Variants in DGKH observed in about 807,000 individuals in gnomAD.
DGKH encodes the protein DAG kinase eta.
In DGKH, 90 loss-of-function variants were observed where a neutral mutation model predicts 159.3. The observed-to-expected ratio is 0.57, with a 90% CI of 0.48 to 0.67. DGKH has a LOEUF of 0.67. Ranked by LOEUF, DGKH falls within the 30% of genes least tolerant of loss-of-function variation. DGKH has a pLI of 0.00. For synonymous variants in DGKH, 536 were observed against 553.8 expected, an observed-to-expected ratio of 0.97 and a Z score of 0.45; for missense variants, 1,181 against 1,506.1, an observed-to-expected ratio of 0.78 and a Z score of 3.57.
upstream of DGKH, among the ~76,000 whole-genome samples, chr13:42,046,432 G>T (rs1302043010): frequency 6.6e-6 from 1 of 152,170 alleles, no homozygotes; most frequent in Non-Finnish European, 1.5e-5. Flanking sequence ...AGTAAGTCAG[G>T]TATCTTAAAT....
Position 42,048,869 on chromosome 13 carries a change from G to A in DGKH, c.96G>A (p.Ala32=), listed in dbSNP as rs1013199141. Residue 32 remains alanine, a synonymous_variant, in exon 1 of 30, where the codon GCG becomes GCA. Coordinates refer to ENST00000337343, the MANE Select transcript of DGKH (RefSeq NM_178009.5). The surrounding 1 kb of genome is among the most constrained non-coding windows in gnomAD (Gnocchi z 6.7). Reference sequence around the variant, plus strand: ...CGGTCACCTCCGCCGCTGCCTCGGCGGGGCCGGGAGAGGATTCGTCTGACA... The same window carrying A: ...CGGTCACCTCCGCCGCTGCCTCGGCAGGGCCGGGAGAGGATTCGTCTGACA... The part of the protein sequence containing the change: ...GAAVTSAAAS[A]GPGEDSSDSE... 1.5e-6 allele frequency: 2 copies of A among 1,372,476 alleles called. No homozygotes were observed. Among genetic ancestry groups the A allele is most frequent in the South Asian group, 2.0e-5 (1 of 50,584 alleles). 85.0% of individuals were successfully genotyped at this position (1,372,476 alleles called of 1,614,324 possible).
chr13:42,062,730 G>A (rs746223619), intron 1 of DGKH, among the ~76,000 whole-genome samples: 78 of 152,346 alleles, frequency 5.1e-4, no homozygotes, highest in Non-Finnish European at 8.1e-4. Flanking sequence ...TAGTTCTGTA[G>A]GAGATGTAAT....
In DGKH at chr13:42,255,908, T is replaced by A. The variant is rs1594276197; in HGVS notation, n.4128-376T>A. On this transcript the variant is annotated intron_variant and non_coding_transcript_variant, in intron 30 of 30. Transcript: ENST00000498255. ...TGCAAAATTGGCTGCACGTACAGGCTTGCCTTTTGTCACTGCTCCAAATAA... is the reference window on the plus strand; with the variant it reads ...TGCAAAATTGGCTGCACGTACAGGCATGCCTTTTGTCACTGCTCCAAATAA... 13 of 1,579,684 alleles carry A rather than the reference T, an allele frequency of 8.2e-6. No homozygotes were observed. The East Asian group carries it at 2.9e-4, about 35-fold the overall frequency.
At chr13:42,243,835 C>T (rs1430010600), downstream of DGKH, among the ~76,000 whole-genome samples, 3 of 152,056 alleles carry the variant, frequency 2.0e-5, no homozygotes, top group African/African-American at 2.4e-5. Context: ...CTAAGCAATC[C>T]GGTTTGAGCC....
At chr13:42,059,105 A>G (rs1881959868) in intron 1 of DGKH, among the ~76,000 whole-genome samples, 1 of 152,112 alleles carries the variant, frequency 6.6e-6, no homozygotes, top group African/African-American at 2.4e-5. Context: ...TAAATATAAA[A>G]TATGTTTTTG....
chr13:42,253,685 G>A (rs1180742154), intron 30 of DGKH, among the ~76,000 whole-genome samples: 1 of 152,096 alleles, frequency 6.6e-6, no homozygotes, highest in African/African-American at 2.4e-5. Flanking sequence ...CTTGAATTTA[G>A]CCATTGTGGT....
At chr13:42,113,563 A>G (rs1046272546) in intron 1 of DGKH, among the ~76,000 whole-genome samples, 1 of 152,212 alleles carries the variant, frequency 6.6e-6, no homozygotes, top group African/African-American at 2.4e-5. Flanking sequence ...AGGGGAAAGG[A>G]GGATACCAGC....
rs1566192716 is a variant in DGKH, at chr13:42,207,143, T to TC, written c.2601+997_2601+998insC. 6.0e-3 allele frequency among the ~76,000 whole-genome samples: 293 copies of TC among 49,088 alleles called. 22 individuals are homozygous for TC. The highest frequency in any genetic ancestry group is 9.9e-3 in the Admixed American group (29 of 2,940). 32.2% of individuals were successfully genotyped at this position (49,088 alleles called of 152,430 possible). A position where few individuals can be genotyped will look rare whatever the true frequency, so the allele number is the denominator to read the frequency against. Reference sequence around the variant, plus strand: ...TCTCTCTCCTTCCTTCCTTCCTTCCTTCCTTCCTTCCTTCCTTCCTTCCTT... The same window carrying TC: ...TCTCTCTCCTTCCTTCCTTCCTTCCTCTCCTTCCTTCCTTCCTTCCTTCCTT... On this transcript the variant is annotated intron_variant, in intron 21 of 29. Coordinates refer to ENST00000337343, the MANE Select transcript of DGKH (RefSeq NM_178009.5).
At chr13:42,190,339 T>C in intron 15 of DGKH, 64 bp from the exon 16 acceptor site, 1 of 1,554,678 alleles carries the variant, frequency 6.4e-7, no homozygotes, top group Non-Finnish European at 8.6e-7. Context: ...TTCCTGAGCA[T>C]ATCTTAATAT....
chr13:42,200,396 T>C (rs915398534), intron 20 of DGKH, among the ~76,000 whole-genome samples: 1 of 152,214 alleles, frequency 6.6e-6, no homozygotes, highest in African/African-American at 2.4e-5. Flanking sequence ...TTTTTACTAA[T>C]TTAAATAGGA....
chr13:42,099,230 C>T lies in DGKH; in HGVS notation c.193-28233C>T, dbSNP rs371463966. Among the ~76,000 whole-genome samples, 20 of 152,300 alleles carry T rather than the reference C, an allele frequency of 1.3e-4. 1 individual carries two copies. Among genetic ancestry groups the T allele is most frequent in the East Asian group, 9.7e-4 (5 of 5,178 alleles). On this transcript the variant is annotated intron_variant, in intron 1 of 29. Coordinates refer to ENST00000337343, the MANE Select transcript of DGKH (RefSeq NM_178009.5). ...GCTTGTGTTTCTTTGCCTTATTCCA[C>T]ATTATCAAGGCTTGTTGATTCTTCC...
intron 25 of DGKH, 28 bp downstream of exon 25, chr13:42,214,640 C>T: frequency 6.2e-7 from 1 of 1,601,612 alleles, no homozygotes; most frequent in Non-Finnish European, 8.5e-7. Context: ...AATTCTCATT[C>T]CACAGATTCT....
At chr13:42,226,168 CAT>C (rs1278834337) in intron 29 of DGKH, among the ~76,000 whole-genome samples, 1 of 152,054 alleles carries the variant, frequency 6.6e-6, no homozygotes, top group Non-Finnish European at 1.5e-5. Context: ...CAAAAGAAGA[CAT>C]GTGGCCAACA....
At position 42,206,124 on chromosome 13, in the gene DGKH, G is replaced by A; in HGVS notation, c.2579G>A (p.Trp860Ter). 1 of 1,446,780 alleles carries A rather than the reference G, an allele frequency of 6.9e-7. No individual in the cohort carries two copies. Among genetic ancestry groups the A allele is most frequent in the South Asian group, 1.6e-5 (1 of 62,258 alleles). The allele number at this position is 1,446,780 out of a possible 1,614,324, so 89.6% of individuals were successfully genotyped here. A position where few individuals can be genotyped will look rare whatever the true frequency, so the allele number is the denominator to read the frequency against. ...IPSYAGGTNF[W>*]GGTKEDDIFA... The stretch of plus-strand genomic sequence containing the variant: ...AGCTATGCTGGAGGCACTAACTTTT[G>A]GGGTGGAACTAAAGAGGATGATGTA... The change falls in exon 21 of 30, where the codon TGG becomes TAG. Residue 860 changes from tryptophan to a stop codon, truncating the protein, a stop_gained. Transcript: ENST00000337343. LOFTEE classifies it high-confidence loss of function.
intron 1 of DGKH, among the ~76,000 whole-genome samples, chr13:42,112,252 T>A (rs1172234735): frequency 6.6e-6 from 1 of 151,554 alleles, no homozygotes; most frequent in Non-Finnish European, 1.5e-5. Context: ...TTAAATGTCA[T>A]TATAGTCAAT....
intron 17 of DGKH, among the ~76,000 whole-genome samples, chr13:42,196,631 A>T (rs191596252): frequency 2.0e-5 from 3 of 152,324 alleles, no homozygotes. Flanking sequence ...GAGGTGATCG[A>T]CGGAATGGAA....
intron 1 of DGKH, among the ~76,000 whole-genome samples, chr13:42,126,729 T>G (rs1348391818): frequency 1.3e-5 from 2 of 152,176 alleles, no homozygotes; most frequent in East Asian, 3.9e-4. Context: ...TTTCTACTTT[T>G]GCACACACCT....
intron 3 of DGKH, among the ~76,000 whole-genome samples, chr13:42,144,879 A>G (rs1456846482): frequency 1.3e-5 from 2 of 152,184 alleles, no homozygotes; most frequent in African/African-American, 4.8e-5. Flanking sequence ...CCTTTTAAAT[A>G]GGATTTAGTC....
intron 1 of DGKH, among the ~76,000 whole-genome samples, chr13:42,043,303 C>G (rs1277343149): frequency 6.6e-6 from 1 of 152,088 alleles, no homozygotes; most frequent in Non-Finnish European, 1.5e-5. Context: ...GTTAGGAATA[C>G]CTGCTTTGAC....
Sources: gnomAD v4.1 joint callset for allele counts (sites outside exome capture counted in the v4.1 genomes callset) on GRCh38, gnomAD v4.1.1 for gene constraint, Gnocchi (gnomAD v3.1) non-coding constraint, MANE v1.5 for transcripts, NCBI Gene and HGNC (gene_info 2026-07-23, HGNC 2026-07-21) for gene names.